The following SEMA3A variants were observed in gnomAD, a reference collection of about 807,000 sequenced individuals.
The protein encoded by SEMA3A is semaphorin-3A.
SEMA3A carries 29 observed loss-of-function variants against 97.9 expected under a neutral mutation model. That is an observed-to-expected ratio of 0.30 (90% CI 0.22 to 0.40). SEMA3A has a LOEUF of 0.40. Ranked by LOEUF, SEMA3A falls within the 10% of genes least tolerant of loss-of-function variation. SEMA3A has a pLI of 1.00. For missense variants in SEMA3A, 763 were observed against 951.3 expected (o/e 0.80, Z 2.60); for synonymous variants, 321 against 323.7 (o/e 0.99, Z 0.09).
chr7:84,359,924 G>C (rs9801327), intron 2 of SEMA3A, among the ~76,000 whole-genome samples: 40,674 of 147,620 alleles, frequency 0.28, 6,016 homozygotes, highest in African/African-American at 0.37. Flanking sequence ...GTTTATTTGC[G>C]TAGAGGTGTT....
Position 84,014,195 on chromosome 7 carries a change from T to C in SEMA3A, c.810+14A>G. The C allele has an allele frequency of 6.3e-7, 1 of 1,584,498 alleles. No homozygotes were observed. The highest frequency in any genetic ancestry group is 1.2e-5 in the South Asian group (1 of 85,294). On this transcript the variant is annotated intron_variant, in intron 7 of 16. Coordinates refer to ENST00000265362, the MANE Select transcript of SEMA3A (RefSeq NM_006080.3). ...AAAATGACATCCTTCTCAGTTTTTT[T>C]TTCTTTACCTCACCTTGCATATCTG...
chr7:84,045,801 GT>G (rs995246426), intron 6 of SEMA3A, among the ~76,000 whole-genome samples: 1 of 151,728 alleles, frequency 6.6e-6, no homozygotes, highest in African/African-American at 2.4e-5. Context: ...TGGGAGAGGG[GT>G]TTTAAGATGA....
At chr7:84,104,987 C>T (rs960810691) in intron 4 of SEMA3A, among the ~76,000 whole-genome samples, 1 of 152,126 alleles carries the variant, frequency 6.6e-6, no homozygotes, top group Non-Finnish European at 1.5e-5. Flanking sequence ...ACATTTGGCT[C>T]AGGTCCATAG....
intron 2 of SEMA3A, among the ~76,000 whole-genome samples, chr7:84,360,089 G>A (rs1166750234): frequency 2.0e-5 from 3 of 151,454 alleles, no homozygotes; most frequent in Non-Finnish European, 1.5e-5. Context: ...CAAAAAACCA[G>A]CTCCTGGTTT....
At chr7:83,963,179 T>C (rs1250501143) in intron 16 of SEMA3A, 26 bp downstream of exon 16, 1 of 1,610,170 alleles carries the variant, frequency 6.2e-7, no homozygotes, top group Non-Finnish European at 8.5e-7. Flanking sequence ...TAGATATAAA[T>C]GATCCAGTCA....
At chr7:84,180,125 T>C (rs910466380) in intron 1 of SEMA3A, among the ~76,000 whole-genome samples, 5 of 151,212 alleles carry the variant, frequency 3.3e-5, no homozygotes, top group African/African-American at 1.2e-4. Flanking sequence ...TTTGTATTTT[T>C]AGTAGAGACA....
chr7:84,412,347 A>C (rs749467984), intron 1 of SEMA3A, among the ~76,000 whole-genome samples: 1 of 152,262 alleles, frequency 6.6e-6, no homozygotes, highest in South Asian at 2.1e-4. Flanking sequence ...ATGAAGCATT[A>C]AAAAGTGGAA....
intron 2 of SEMA3A, among the ~76,000 whole-genome samples, chr7:84,337,043 A>G (rs1802053399): frequency 1.3e-5 from 2 of 152,102 alleles, no homozygotes; most frequent in Non-Finnish European, 2.9e-5. Context: ...TTTGAATCCT[A>G]GCTTACCAGA....
intron 4 of SEMA3A, among the ~76,000 whole-genome samples, chr7:84,073,397 A>T (rs1367990327): frequency 6.6e-6 from 1 of 152,102 alleles, no homozygotes; most frequent in African/African-American, 2.4e-5. Context: ...AAATTTCCAA[A>T]GAAAATAAAT....
At chr7:84,250,895 T>C (rs919185735) in intron 3 of SEMA3A, among the ~76,000 whole-genome samples, 1 of 152,204 alleles carries the variant, frequency 6.6e-6, no homozygotes, top group Non-Finnish European at 1.5e-5. Context: ...AATTATTAAA[T>C]ACCAGTTTCT....
At chr7:84,203,520 A>AT (rs1158876783) in intron 3 of SEMA3A, among the ~76,000 whole-genome samples, 1,287 of 49,954 alleles carry the variant, frequency 0.026, 40 homozygotes, top group African/African-American at 0.063. Context: ...ATATATATAT[A>AT]TATATATTTT....
chr7:84,031,059 C>T (rs1203375490), intron 6 of SEMA3A, among the ~76,000 whole-genome samples: 1 of 133,604 alleles, frequency 7.5e-6, no homozygotes, highest in Non-Finnish European at 1.5e-5. Flanking sequence ...GTGGTGCCAT[C>T]TCAGCTCACT....
chr7:84,063,209 C>G (rs1169535727), intron 4 of SEMA3A, among the ~76,000 whole-genome samples: 2 of 151,416 alleles, frequency 1.3e-5, no homozygotes, highest in Non-Finnish European at 2.9e-5. Flanking sequence ...GCTGAGGGTC[C>G]TGTCTGTTAG....
In SEMA3A at chr7:84,132,662, G is replaced by GTTTTTTTT. The variant is rs55830654; in HGVS notation, c.270+2124_270+2131dup. Among the ~76,000 whole-genome samples the GTTTTTTTT allele has an allele frequency of 3.0e-4, 26 of 86,652 alleles. 3 individuals carry two copies. The highest frequency in any genetic ancestry group is 4.7e-4 in the Non-Finnish European group (21 of 44,998). 56.8% of individuals were successfully genotyped at this position (86,652 alleles called of 152,430 possible). A position where few individuals can be genotyped will look rare whatever the true frequency, so the allele number is the denominator to read the frequency against. ...TCTAATTTTTCTTCATCGACTTGGTGTTTTTTTTTTTTTTTTTTTTTTTTT... is the reference window on the plus strand; with the variant it reads ...TCTAATTTTTCTTCATCGACTTGGTGTTTTTTTTTTTTTTTTTTTTTTTTTTTTTTTTT... On this transcript the variant is annotated intron_variant, in intron 2 of 16. Transcript: ENST00000265362.
At chr7:84,334,399 G>A (rs538942715) in intron 2 of SEMA3A, among the ~76,000 whole-genome samples, 46 of 151,952 alleles carry the variant, frequency 3.0e-4, no homozygotes, top group African/African-American at 1.0e-3. Context: ...AGATTTTATG[G>A]ATTAGAAAAG....
At chr7:83,995,773 T>G (rs1342046398) in intron 12 of SEMA3A, among the ~76,000 whole-genome samples, 1 of 152,240 alleles carries the variant, frequency 6.6e-6, no homozygotes, top group Non-Finnish European at 1.5e-5. Context: ...TTTCAGATAC[T>G]TTAGTCCTTA....
chr7:84,284,571 C>T (rs940063888), intron 3 of SEMA3A, among the ~76,000 whole-genome samples: 2 of 152,148 alleles, frequency 1.3e-5, no homozygotes, highest in Non-Finnish European at 2.9e-5. Context: ...TCCTAGAACT[C>T]ATCAAAATGA....
At chr7:84,480,778 C>T (rs1806423624) in intron 1 of SEMA3A, among the ~76,000 whole-genome samples, 1 of 152,122 alleles carries the variant, frequency 6.6e-6, no homozygotes, top group South Asian at 2.1e-4. Context: ...ACTGTATTTT[C>T]AACATACTGT....
chr7:84,023,939 G>T (rs1427667287), intron 6 of SEMA3A, among the ~76,000 whole-genome samples: 2 of 151,396 alleles, frequency 1.3e-5, no homozygotes, highest in Non-Finnish European at 2.9e-5. Context: ...GTGAACCCGG[G>T]AGGCGGAGCT....
Sources: gnomAD v4.1 joint callset for allele counts (sites outside exome capture counted in the v4.1 genomes callset) on GRCh38, gnomAD v4.1.1 for gene constraint, MANE v1.5 for transcripts, NCBI Gene and HGNC (gene_info 2026-07-23, HGNC 2026-07-21) for gene names.